The following TRAPPC9 variants were observed in gnomAD, a reference collection of about 807,000 sequenced individuals.
The protein encoded by TRAPPC9 is IKK2 binding protein.
A neutral mutation model predicts 124.0 loss-of-function variants in TRAPPC9; 83 were observed. The ratio of observed to expected loss-of-function variants is 0.67; its 90% confidence interval spans 0.56 to 0.80. The LOEUF is 0.80. Among genes scored for constraint, TRAPPC9 ranks in the 30% least tolerant of loss-of-function variants. The probability of loss-of-function intolerance (pLI) is 0.00; values close to 1 mark genes in which losing one functional copy is unlikely to be tolerated. For synonymous variants in TRAPPC9, 638 were observed against 617.5 expected (o/e 1.03, Z -0.49); for missense variants, 1,302 against 1,508.3 (o/e 0.86, Z 2.27).
chr8:139,929,942 C>A (rs980904839), intron 19 of TRAPPC9, among the ~76,000 whole-genome samples: 1 of 152,260 alleles, frequency 6.6e-6, no homozygotes, highest in African/African-American at 2.4e-5. Context: ...CAAGCACCAC[C>A]TTGTAGGTGC....
chr8:139,970,484 C>A (rs906500039), intron 19 of TRAPPC9, among the ~76,000 whole-genome samples: 3 of 152,094 alleles, frequency 2.0e-5, no homozygotes, highest in Non-Finnish European at 4.4e-5. Context: ...CTGGGAGAAG[C>A]GGGAGCCAGT....
chr8:140,070,347 T>C (rs7006397), intron 17 of TRAPPC9, among the ~76,000 whole-genome samples: 1 of 152,094 alleles, frequency 6.6e-6, no homozygotes, highest in East Asian at 1.9e-4. Flanking sequence ...CCAACTTACA[T>C]TGGCAACAGA....
At chr8:139,845,682 G>C (rs1219310111) in intron 21 of TRAPPC9, among the ~76,000 whole-genome samples, 1 of 152,196 alleles carries the variant, frequency 6.6e-6, no homozygotes, top group Admixed American at 6.5e-5. Flanking sequence ...GTGCCCCAGG[G>C]CAACGGCAGA....
intron 16 of TRAPPC9, among the ~76,000 whole-genome samples, chr8:140,248,152 A>C (rs2064031985): frequency 6.6e-6 from 1 of 151,870 alleles, no homozygotes; most frequent in Non-Finnish European, 1.5e-5. Flanking sequence ...AATTCTAGTA[A>C]ATCTACACAC....
In TRAPPC9 at chr8:140,035,441, G is replaced by T. The variant is rs184131697; in HGVS notation, c.2557-11362C>A. ...GAAATTGATGGGGACCCCCAGCAAA[G>T]ATGCCAAACTAAGTACCTGCAGAGG... On this transcript the variant is annotated intron_variant, in intron 17 of 22. Transcript: ENST00000438773. Among the ~76,000 whole-genome samples, 195 of 152,366 alleles carry T rather than the reference G, an allele frequency of 1.3e-3. 1 individual carries two copies. Among genetic ancestry groups the T allele is most frequent in the African/African-American group, 3.7e-3 (152 of 41,588 alleles).
In TRAPPC9 at chr8:139,880,265, A is replaced by T. The variant is rs112241562; in HGVS notation, c.3055+5614T>A. Among the ~76,000 whole-genome samples the T allele has an allele frequency of 2.0e-3, 302 of 152,280 alleles. 3 individuals are homozygous for T. Among genetic ancestry groups the T allele is most frequent in the African/African-American group, 7.0e-3 (290 of 41,540 alleles). On this transcript the variant is annotated intron_variant, in intron 21 of 22. Transcript: ENST00000438773. The stretch of plus-strand genomic sequence containing the variant: ...GGCGGCCGGCATAGCCATGGCTCCC[A>T]AGCAAAGCAAAGATGCCAAGGGCCT...
chr8:140,082,923 G>A (rs1843927540), intron 17 of TRAPPC9, among the ~76,000 whole-genome samples: 1 of 152,138 alleles, frequency 6.6e-6, no homozygotes, highest in Non-Finnish European at 1.5e-5. Context: ...GGCCAGGCGC[G>A]GTGGCTCACG....
At chr8:139,774,942 A>C (rs1204903596) in intron 21 of TRAPPC9, among the ~76,000 whole-genome samples, 4 of 152,226 alleles carry the variant, frequency 2.6e-5, no homozygotes, top group Non-Finnish European at 5.9e-5. Context: ...CAGGAACAAG[A>C]ACCTGAGCAG....
At chr8:139,968,893 GCAGCC>G (rs1373492998) in intron 19 of TRAPPC9, among the ~76,000 whole-genome samples, 1 of 152,196 alleles carries the variant, frequency 6.6e-6, no homozygotes. Context: ...CCCCGTCTCT[GCAGCC>G]CAGAAGCTTA....
At chr8:140,136,562 G>A (rs2061307335) in intron 17 of TRAPPC9, among the ~76,000 whole-genome samples, 1 of 152,202 alleles carries the variant, frequency 6.6e-6, no homozygotes, top group Non-Finnish European at 1.5e-5. Flanking sequence ...GTCTGGCTGG[G>A]CACGGTGGCT....
chr8:140,151,651 A>G (rs1182705915), intron 17 of TRAPPC9, among the ~76,000 whole-genome samples: 2 of 152,186 alleles, frequency 1.3e-5, no homozygotes, highest in African/African-American at 4.8e-5. Flanking sequence ...CTCTCCATGT[A>G]AGATCACATT....
chr8:140,348,977 C>T (rs1482622574), intron 9 of TRAPPC9, among the ~76,000 whole-genome samples: 1 of 151,248 alleles, frequency 6.6e-6, no homozygotes, highest in Non-Finnish European at 1.5e-5. Flanking sequence ...TGAGAGAACA[C>T]TGTTGACAGA....
intron 21 of TRAPPC9, among the ~76,000 whole-genome samples, chr8:139,798,417 G>C (rs556996686): frequency 6.6e-5 from 10 of 152,358 alleles, no homozygotes; most frequent in Non-Finnish European, 1.3e-4. Flanking sequence ...GCACCCTAAA[G>C]AGAAGATTCT....
At chr8:139,756,851 G>A (rs1472946831) in intron 21 of TRAPPC9, among the ~76,000 whole-genome samples, 1 of 129,292 alleles carries the variant, frequency 7.7e-6, no homozygotes, top group Admixed American at 7.5e-5. Flanking sequence ...GTCGCAGGAG[G>A]AGCCAGGGAT....
At chr8:140,055,631 T>C (rs745601788) in intron 17 of TRAPPC9, among the ~76,000 whole-genome samples, 8 of 152,202 alleles carry the variant, frequency 5.3e-5, no homozygotes, top group Non-Finnish European at 1.0e-4. Context: ...CTCTACAAGC[T>C]ATCAGAACTG....
At chr8:140,240,714 G>C (rs1489567889) in intron 16 of TRAPPC9, among the ~76,000 whole-genome samples, 2 of 152,040 alleles carry the variant, frequency 1.3e-5, no homozygotes, top group Non-Finnish European at 2.9e-5. Context: ...AGCTCATTTT[G>C]CTTAATTTTT....
intron 17 of TRAPPC9, among the ~76,000 whole-genome samples, chr8:140,114,231 T>C (rs1230236953): frequency 7.0e-6 from 1 of 142,114 alleles, no homozygotes; most frequent in African/African-American, 2.6e-5. Context: ...ATTTGAGGAG[T>C]AAATGGAACA....
At chr8:140,384,369 T>C (rs936333228) in intron 7 of TRAPPC9, among the ~76,000 whole-genome samples, 2 of 152,052 alleles carry the variant, frequency 1.3e-5, no homozygotes, top group Admixed American at 6.6e-5. Context: ...GACTGGCAAA[T>C]TGGATAAAGA....
At chr8:140,418,732 AG>A (rs2070038615) in intron 5 of TRAPPC9, among the ~76,000 whole-genome samples, 1 of 131,032 alleles carries the variant, frequency 7.6e-6, no homozygotes, top group African/African-American at 2.7e-5. Flanking sequence ...AAAGATAGAT[AG>A]ATAGATAGAT....
Sources: allele counts gnomAD v4.1 joint callset (sites outside exome capture counted in the v4.1 genomes callset), GRCh38; gene constraint gnomAD v4.1.1; transcripts MANE v1.5; gene names NCBI Gene and HGNC (gene_info 2026-07-23, HGNC 2026-07-21).